CREB1: variants seen among roughly 807,000 people sequenced by gnomAD.
CREB1 encodes cyclic AMP-responsive element-binding protein 1.
Under a neutral mutation model 42.0 loss-of-function variants are expected in CREB1, and 2 were observed. The ratio of observed to expected loss-of-function variants is 0.05; its 90% CI spans 0.02 to 0.15. The LOEUF (loss-of-function observed/expected upper bound fraction) is 0.15. CREB1 is among the 10% of genes least tolerant of loss of function. The pLI is 1.00. For missense variants in CREB1, 199 were observed against 388.9 expected (o/e 0.51, Z 4.11); for synonymous variants, 123 against 139.9 (o/e 0.88, Z 0.85).
rs917236782 is a variant in CREB1, at chr2:207,530,438, T to A, written c.-9+304T>A. ...CGGGGTGGGAGCCGGCGGCCGGGGG[T>A]GTGTGCGGGCGGCCGGCCGCGGCGA... is the stretch of plus-strand genomic sequence containing the variant. On this transcript the variant is annotated intron_variant, in intron 1 of 7. Transcript: ENST00000353267. Among the ~76,000 whole-genome samples the A allele has an allele frequency of 7.0e-4, 91 of 129,098 alleles. No homozygotes were observed. In the East Asian group the frequency reaches 0.02, roughly 28 times the overall value. 84.7% of individuals were successfully genotyped at this position (129,098 alleles called of 152,430 possible). A position where few individuals can be genotyped will look rare whatever the true frequency, so the allele number is the denominator to read the frequency against.
At chr2:207,545,064 C>A (rs537162134) in intron 1 of CREB1, among the ~76,000 whole-genome samples, 80 of 152,174 alleles carry the variant, frequency 5.3e-4, no homozygotes, top group Non-Finnish European at 9.0e-4. Context: ...ATTTATATTC[C>A]TTTGGGTATA....
At chr2:207,562,500 C>T (rs544709476) in intron 3 of CREB1, among the ~76,000 whole-genome samples, 17 of 152,066 alleles carry the variant, frequency 1.1e-4, no homozygotes, top group African/African-American at 4.1e-4. Context: ...TGCTTGTATT[C>T]ATCTTTAAGG....
intron 4 of CREB1, among the ~76,000 whole-genome samples, chr2:207,568,600 T>C (rs2082230390): frequency 6.6e-6 from 1 of 152,170 alleles, no homozygotes; most frequent in African/African-American, 2.4e-5. Flanking sequence ...ACAATAACTA[T>C]AAATTTATGT....
At chr2:207,558,566 C>G (rs1317870765) in intron 2 of CREB1, among the ~76,000 whole-genome samples, 1 of 152,074 alleles carries the variant, frequency 6.6e-6, no homozygotes, top group Non-Finnish European at 1.5e-5. Context: ...TTAACTACTT[C>G]ATGGGCTTTC....
intron 5 of CREB1, among the ~76,000 whole-genome samples, chr2:207,571,492 CT>C (rs1464677820): frequency 2.6e-5 from 4 of 152,102 alleles, no homozygotes; most frequent in Non-Finnish European, 5.9e-5. Flanking sequence ...AAGGCTGAAA[CT>C]TTTGAGACTA....
Position 207,538,491 on chromosome 2 carries a change from T to C in CREB1, c.-9+8357T>C, listed in dbSNP as rs1420479566. 2.6e-5 allele frequency among the ~76,000 whole-genome samples: 4 copies of C among 152,180 alleles called. No individual in the cohort carries two copies. In the East Asian group the frequency reaches 7.7e-4, roughly 29 times the overall value. On this transcript the variant is annotated intron_variant, in intron 1 of 7. Coordinates refer to ENST00000353267, the MANE Select transcript of CREB1 (RefSeq NM_004379.5). The stretch of plus-strand genomic sequence containing the variant: ...AATAAGGTGATAAAGGAGTTTACCG[T>C]GAGACTAGCTGTGTGAACAAAGATG...
chr2:207,561,010 C>T, intron 3 of CREB1: 6 of 936,810 alleles, frequency 6.4e-6, no homozygotes, highest in Admixed American at 4.0e-5. Context: ...TGTAGGGAAC[C>T]GAGAGCAGTA....
intron 5 of CREB1, among the ~76,000 whole-genome samples, chr2:207,573,027 A>G (rs1414942289): frequency 2.6e-5 from 4 of 152,288 alleles, no homozygotes; most frequent in Admixed American, 2.0e-4. Context: ...TGTATCTGTC[A>G]TTTTGAACTT....
intron 7 of CREB1, among the ~76,000 whole-genome samples, chr2:207,587,314 A>G (rs2084044511): frequency 6.6e-6 from 1 of 151,124 alleles, no homozygotes; most frequent in Non-Finnish European, 1.5e-5. Flanking sequence ...AATGGCGTGA[A>G]CCCGGAAGGC....
rs771018333 is a variant in CREB1, at chr2:207,555,715, T to C, written c.80T>C (p.Val27Ala). Residue 27 changes from valine to alanine, a missense_variant, in exon 2 of 8, where the codon GTT (valine) becomes GCT (alanine). By Grantham distance (64) the Val-to-Ala change is moderately conservative. This residue lies in a region of CREB1 where 53 missense variants were observed against 57.1 expected (regional missense o/e 0.93). Transcript: ENST00000353267. ...GAAGCTGAAAACCAACAAATGACAG[T>C]TCAAGCCCAGCCACAGATTGCCACA... ...VTEAENQQMT[V>A]QAQPQIATLA... 29 of 1,613,484 alleles carry C rather than the reference T, an allele frequency of 1.8e-5. No homozygotes were observed. The highest frequency in any genetic ancestry group is 4.2e-6 in the Non-Finnish European group (5 of 1,179,702).
chr2:207,567,640 C>A, intron 4 of CREB1, 77 bp downstream of exon 4: 2 of 966,490 alleles, frequency 2.1e-6, no homozygotes, highest in East Asian at 2.5e-5. Flanking sequence ...GTCAGAAGAC[C>A]AGTTAGTTGT....
chr2:207,567,327 G>A lies in CREB1; in HGVS notation c.262-136G>A, dbSNP rs914381556. The A allele has an allele frequency of 2.0e-5, 11 of 546,074 alleles. No homozygotes were observed. In the Admixed American group the frequency reaches 2.4e-4, roughly 12 times the overall value. The allele number at this position is 546,074 out of a possible 1,614,324, so 33.8% of individuals were successfully genotyped here. On this transcript the variant is annotated intron_variant, in intron 3 of 7. Transcript: ENST00000353267. ...AAGGGAAGGGGAAAGTGATTGGTGTGGTTGTCTCCCATAAGAACTGATTTT... is the reference window on the plus strand; with the variant it reads ...AAGGGAAGGGGAAAGTGATTGGTGTAGTTGTCTCCCATAAGAACTGATTTT...
At chr2:207,557,624 C>T (rs934709702) in intron 2 of CREB1, among the ~76,000 whole-genome samples, 3 of 151,944 alleles carry the variant, frequency 2.0e-5, no homozygotes, top group Non-Finnish European at 4.4e-5. Flanking sequence ...CACCACTGCA[C>T]TCCAGCCTGG....
chr2:207,595,570 A>G (rs2085985108), intron 7 of CREB1, among the ~76,000 whole-genome samples: 1 of 151,604 alleles, frequency 6.6e-6, no homozygotes, highest in African/African-American at 2.4e-5. Context: ...CCACCTAACT[A>G]ATTTTTAATT....
rs13029936 is a variant in CREB1, at chr2:207,600,820, C to T, written c.*3762C>T. The stretch of plus-strand genomic sequence containing the variant: ...GTAGGACAAATCCCTACTATCATTT[C>T]TACCTTTTGGGGTGACATGTGGAAT... On this transcript the variant is annotated 3_prime_UTR_variant, in exon 8 of 8. Coordinates refer to ENST00000353267, the MANE Select transcript of CREB1 (RefSeq NM_004379.5). 31,798 of 208,056 alleles carry T rather than the reference C, an allele frequency of 0.15. 2,834 individuals are homozygous for T. Among genetic ancestry groups the T allele is most frequent in the Middle Eastern group, 0.21 (132 of 638 alleles). 12.9% of individuals were successfully genotyped at this position (208,056 alleles called of 1,614,324 possible). A position where few individuals can be genotyped will look rare whatever the true frequency, so the allele number is the denominator to read the frequency against.
At chr2:207,587,552 A>G (rs1574957055) in intron 7 of CREB1, among the ~76,000 whole-genome samples, 2 of 152,216 alleles carry the variant, frequency 1.3e-5, no homozygotes, top group African/African-American at 4.8e-5. Flanking sequence ...ATATCCATCA[A>G]CATATGAATG....
At chr2:207,542,315 G>A (rs945027307) in intron 1 of CREB1, among the ~76,000 whole-genome samples, 1 of 151,960 alleles carries the variant, frequency 6.6e-6, no homozygotes, top group Non-Finnish European at 1.5e-5. Context: ...TGTTTTTTGG[G>A]GTTTTGGGTT....
intron 5 of CREB1, among the ~76,000 whole-genome samples, chr2:207,572,754 T>C (rs1269338937): frequency 1.3e-5 from 2 of 150,886 alleles, no homozygotes; most frequent in African/African-American, 4.9e-5. Context: ...GGGCGGAGCC[T>C]GCAGTGAGCC....
intron 2 of CREB1, among the ~76,000 whole-genome samples, chr2:207,558,152 CT>C (rs1257185424): frequency 6.6e-6 from 1 of 152,100 alleles, no homozygotes; most frequent in Non-Finnish European, 1.5e-5. Flanking sequence ...TAAGTAAGGA[CT>C]TTATTACTAT....
Sources: gnomAD v4.1 joint callset for allele counts (sites outside exome capture counted in the v4.1 genomes callset) on GRCh38, gnomAD v4.1.1 for gene constraint, gnomAD v4.1.1 regional missense constraint, MANE v1.5 for transcripts, NCBI Gene and HGNC (gene_info 2026-07-23, HGNC 2026-07-21) for gene names.